RBMS3: variants seen among roughly 807,000 people sequenced by gnomAD.
RBMS3 encodes RNA binding motif single stranded interacting protein 3.
RBMS3 carries 27 observed loss-of-function variants against 66.8 expected under a neutral mutation model. The ratio of observed to expected loss-of-function variants is 0.40; its 90% confidence interval spans 0.30 to 0.56. The LOEUF is 0.56. Among genes scored for constraint, RBMS3 ranks in the 20% least tolerant of loss-of-function variants. RBMS3 has a pLI of 0.40. For synonymous variants in RBMS3, 188 were observed against 183.0 expected (o/e 1.03, Z -0.22); for missense variants, 513 against 549.5 (o/e 0.93, Z 0.66).
At chr3:29,848,143 A>G (rs1223360525) in intron 6 of RBMS3, among the ~76,000 whole-genome samples, 1 of 152,190 alleles carries the variant, frequency 6.6e-6, no homozygotes. Context: ...GGACATTTAA[A>G]GAGAGAGGGT....
chr3:29,493,500 T>C lies in RBMS3; in HGVS notation c.307+5001T>C, dbSNP rs115814193. Reference sequence around the variant, plus strand: ...TACATGGAAAATGTTTGACGATATCTCCTGTTACTTTTGTATAAAATACTG... The same window carrying C: ...TACATGGAAAATGTTTGACGATATCCCCTGTTACTTTTGTATAAAATACTG... On this transcript the variant is annotated intron_variant, in intron 3 of 14. Transcript: ENST00000383767. 5.0e-3 allele frequency among the ~76,000 whole-genome samples: 769 copies of C among 152,318 alleles called. 7 individuals are homozygous for C. The highest frequency in any genetic ancestry group is 0.018 in the African/African-American group (737 of 41,576).
chr3:29,724,224 TATG>T (rs1559607493), intron 4 of RBMS3, among the ~76,000 whole-genome samples: 1 of 152,192 alleles, frequency 6.6e-6, no homozygotes, highest in African/African-American at 2.4e-5. Flanking sequence ...AGTTTACACT[TATG>T]AGGAACACAA....
At chr3:29,806,487 G>A (rs1233413860) in intron 6 of RBMS3, among the ~76,000 whole-genome samples, 1 of 151,880 alleles carries the variant, frequency 6.6e-6, no homozygotes, top group Non-Finnish European at 1.5e-5. Context: ...ACTTCCTATT[G>A]ACCATATCAA....
intron 12 of RBMS3, among the ~76,000 whole-genome samples, chr3:29,978,751 T>A (rs180974471): frequency 1.3e-5 from 2 of 152,236 alleles, no homozygotes; most frequent in East Asian, 3.9e-4. Flanking sequence ...AATACCTATA[T>A]TACATAAAAA....
At chr3:29,765,239 G>T (rs1444165937) in intron 6 of RBMS3, among the ~76,000 whole-genome samples, 1 of 151,938 alleles carries the variant, frequency 6.6e-6, no homozygotes. Flanking sequence ...TACAATTTGG[G>T]TATATGCTGT....
intron 1 of RBMS3, among the ~76,000 whole-genome samples, chr3:29,409,172 T>TA (rs10710038): frequency 1.2e-4 from 18 of 152,028 alleles, no homozygotes; most frequent in African/African-American, 2.2e-4. Context: ...TAGAAATAGA[T>TA]AAAAAAAAGT....
At chr3:29,644,743 G>A (rs1013868278) in intron 4 of RBMS3, among the ~76,000 whole-genome samples, 1 of 152,100 alleles carries the variant, frequency 6.6e-6, no homozygotes, top group Admixed American at 6.6e-5. Context: ...TGATTGCACA[G>A]GCGAAAGTAG....
chr3:29,429,974 C>A (rs1393117247), intron 1 of RBMS3, among the ~76,000 whole-genome samples: 3 of 151,566 alleles, frequency 2.0e-5, no homozygotes. Context: ...TTTTAAGATT[C>A]TGTAGTTTGG....
intron 5 of RBMS3, among the ~76,000 whole-genome samples, chr3:29,751,358 C>T (rs539988228): frequency 6.6e-6 from 1 of 152,146 alleles, no homozygotes; most frequent in Non-Finnish European, 1.5e-5. Context: ...CCTTTTATAA[C>T]CTTTTGTAAT....
chr3:29,720,122 G>A (rs1433860251), intron 4 of RBMS3, among the ~76,000 whole-genome samples: 1 of 150,090 alleles, frequency 6.7e-6, no homozygotes, highest in Non-Finnish European at 1.5e-5. Flanking sequence ...TCCCTCTGTT[G>A]CACCCACATT....
rs1271955064 is a variant in RBMS3 at position 29,628,132 on chromosome 3, G to A, written c.399+40927G>A. Reference sequence around the variant, plus strand: ...TGTTTTAGAAGAATGTGGAGGGAGTGATACATCTGTTATGAGAGGGAACTC... The same window carrying A: ...TGTTTTAGAAGAATGTGGAGGGAGTAATACATCTGTTATGAGAGGGAACTC... On this transcript the variant is annotated intron_variant, in intron 4 of 14. Coordinates refer to ENST00000383767, the MANE Select transcript of RBMS3 (RefSeq NM_001003793.3). Among the ~76,000 whole-genome samples the A allele has an allele frequency of 3.3e-5, 5 of 152,134 alleles. No individual in the cohort carries two copies. The East Asian group carries it at 9.6e-4, about 29-fold the overall frequency.
intron 10 of RBMS3, among the ~76,000 whole-genome samples, chr3:29,906,980 T>C (rs1319331546): frequency 6.6e-6 from 1 of 152,146 alleles, no homozygotes; most frequent in Non-Finnish European, 1.5e-5. Context: ...TTTTATCATC[T>C]CTCATCAAAT....
At chr3:29,730,029 A>T (rs1280380380) in intron 4 of RBMS3, among the ~76,000 whole-genome samples, 1 of 152,062 alleles carries the variant, frequency 6.6e-6, no homozygotes, top group Admixed American at 6.6e-5. Flanking sequence ...ATCATACCAT[A>T]AAAAGGTAAA....
At chr3:29,481,219 T>C (rs535974627) in intron 2 of RBMS3, among the ~76,000 whole-genome samples, 1 of 152,246 alleles carries the variant, frequency 6.6e-6, no homozygotes, top group East Asian at 1.9e-4. Flanking sequence ...TAAAAGTAGG[T>C]GCCAGCTAAA....
At chr3:29,288,800 T>C (rs1473687559) in intron 1 of RBMS3, among the ~76,000 whole-genome samples, 1 of 151,958 alleles carries the variant, frequency 6.6e-6, no homozygotes, top group African/African-American at 2.4e-5. Context: ...AATCTCAGAA[T>C]AGTAGCCTAG....
intron 4 of RBMS3, among the ~76,000 whole-genome samples, chr3:29,650,775 G>A (rs1310770793): frequency 6.6e-6 from 1 of 152,056 alleles, no homozygotes; most frequent in South Asian, 2.1e-4. Context: ...TAATCTTTCA[G>A]GTATGTTAGC....
intron 4 of RBMS3, among the ~76,000 whole-genome samples, chr3:29,635,264 ATT>A (rs1055703311): frequency 5.9e-5 from 9 of 151,834 alleles, no homozygotes; most frequent in African/African-American, 1.9e-4. Context: ...TCTGTTAGAC[ATT>A]TCACATTCAA....
intron 1 of RBMS3, among the ~76,000 whole-genome samples, chr3:29,406,199 T>C (rs2040010476): frequency 6.6e-6 from 1 of 152,188 alleles, no homozygotes; most frequent in Non-Finnish European, 1.5e-5. Flanking sequence ...TGTTAAATGG[T>C]TGTGGCTCAC....
At chr3:29,928,203 T>TACAC (rs1415810525) in intron 10 of RBMS3, among the ~76,000 whole-genome samples, 2 of 110,234 alleles carry the variant, frequency 1.8e-5, no homozygotes, top group African/African-American at 6.9e-5. Flanking sequence ...TATATATATA[T>TACAC]ATATATATAC....
Sources: allele counts gnomAD v4.1 joint callset (sites outside exome capture counted in the v4.1 genomes callset), GRCh38; gene constraint gnomAD v4.1.1; transcripts MANE v1.5; gene names NCBI Gene and HGNC (gene_info 2026-07-23, HGNC 2026-07-21).